The following KDM4C variants were observed in gnomAD, a reference collection of about 807,000 sequenced individuals.
KDM4C encodes the protein lysine-specific demethylase 4C.
A neutral mutation model predicts 129.3 loss-of-function variants in KDM4C; 81 were observed. The observed-to-expected ratio is 0.63, with a 90% CI of 0.52 to 0.75. The LOEUF (loss-of-function observed/expected upper bound fraction) is 0.75. Among genes scored for constraint, KDM4C ranks in the 30% least tolerant of loss-of-function variants. The pLI, the probability that KDM4C is intolerant of heterozygous loss-of-function variation, is 0.00. For synonymous variants in KDM4C, 573 were observed against 456.1 expected (o/e 1.26, Z -3.26); for missense variants, 1,457 against 1,304.0 (o/e 1.12, Z -1.81).
chr9:6,776,050 C>G (rs72699645), intron 1 of KDM4C, among the ~76,000 whole-genome samples: 1 of 152,096 alleles, frequency 6.6e-6, no homozygotes, highest in African/African-American at 2.4e-5. Flanking sequence ...TATTTTTGTG[C>G]GTTCCGTATA....
chr9:6,889,250 TGGGA>T (rs1845760404), intron 7 of KDM4C, among the ~76,000 whole-genome samples: 12 of 28,202 alleles, frequency 4.3e-4, no homozygotes, highest in African/African-American at 7.6e-4. Flanking sequence ...TGTGTGTGTG[TGGGA>T]GGGTGGGGGG....
chr9:6,878,361 G>C (rs1336455730), intron 5 of KDM4C, among the ~76,000 whole-genome samples: 1 of 152,154 alleles, frequency 6.6e-6, no homozygotes, highest in South Asian at 2.1e-4. Flanking sequence ...TTGAGACACT[G>C]TCTTCCATCT....
At chr9:6,958,702 TGGGAC>T (rs1829528650) in intron 8 of KDM4C, among the ~76,000 whole-genome samples, 1 of 150,808 alleles carries the variant, frequency 6.6e-6, no homozygotes. Flanking sequence ...TTTTTTTTTT[TGGGAC>T]AGGGTCTCAC....
chr9:6,879,341 A>G (rs937596211), intron 5 of KDM4C, among the ~76,000 whole-genome samples: 1 of 152,202 alleles, frequency 6.6e-6, no homozygotes, highest in Admixed American at 6.5e-5. Flanking sequence ...AAAAATAACT[A>G]TGGAACTAGA....
chr9:6,977,478 T>C (rs1418219721), intron 8 of KDM4C, among the ~76,000 whole-genome samples: 1 of 152,198 alleles, frequency 6.6e-6, no homozygotes, highest in Non-Finnish European at 1.5e-5. Context: ...CACATACATG[T>C]TGCCATGTAA....
At chr9:6,984,140 C>T (rs1311944378) in intron 9 of KDM4C, 26 bp from the exon 10 acceptor site, 1 of 1,498,476 alleles carries the variant, frequency 6.7e-7, no homozygotes, top group Admixed American at 1.7e-5. Context: ...ACATCCCGCT[C>T]TGACCACTGC....
At chr9:6,721,056 C>T in intron 1 of KDM4C, 1 of 1,396,700 alleles carries the variant, frequency 7.2e-7, no homozygotes, top group Non-Finnish European at 9.9e-7. Flanking sequence ...GGTTCTGTCA[C>T]ACTTAAAGCA....
At chr9:7,055,716 G>A (rs1378610663) in intron 17 of KDM4C, among the ~76,000 whole-genome samples, 1 of 152,200 alleles carries the variant, frequency 6.6e-6, no homozygotes, top group Non-Finnish European at 1.5e-5. Context: ...GAAGGCGCAT[G>A]TTCTCTTGCC....
chr9:6,891,218 A>G (rs1473305451), intron 7 of KDM4C, among the ~76,000 whole-genome samples: 1 of 152,184 alleles, frequency 6.6e-6, no homozygotes. Flanking sequence ...ACAATTATCC[A>G]TAGCACCATT....
intron 17 of KDM4C, among the ~76,000 whole-genome samples, chr9:7,068,930 C>A (rs958881242): frequency 7.2e-5 from 11 of 151,962 alleles, no homozygotes; most frequent in Non-Finnish European, 1.5e-4. Flanking sequence ...CTCCTGACCT[C>A]AGGTGATCCA....
At chr9:6,795,067 A>G (rs1827463537) in intron 2 of KDM4C, among the ~76,000 whole-genome samples, 1 of 152,184 alleles carries the variant, frequency 6.6e-6, no homozygotes, top group African/African-American at 2.4e-5. Context: ...ATCACTGCAT[A>G]AATCCCTGAG....
intron 12 of KDM4C, among the ~76,000 whole-genome samples, chr9:6,997,370 G>A (rs1055419009): frequency 5.9e-5 from 9 of 152,256 alleles, no homozygotes; most frequent in Non-Finnish European, 1.2e-4. Flanking sequence ...TTGAGAAAAA[G>A]AAAAAGTGGA....
intron 8 of KDM4C, among the ~76,000 whole-genome samples, chr9:6,929,218 A>G (rs1823202847): frequency 6.6e-6 from 1 of 152,196 alleles, no homozygotes; most frequent in South Asian, 2.1e-4. Context: ...GCTTATGTCT[A>G]ATATCTGTTA....
chr9:7,048,197 C>T (rs897682489), intron 16 of KDM4C, among the ~76,000 whole-genome samples: 1 of 151,930 alleles, frequency 6.6e-6, no homozygotes, highest in Non-Finnish European at 1.5e-5. Flanking sequence ...ACGTTCTCTT[C>T]CTATGCTTGG....
rs528060504 is a variant in KDM4C, at chr9:6,826,779, A to C, written c.435+12034A>C. On this transcript the variant is annotated intron_variant, in intron 4 of 21. Transcript: ENST00000381309. The stretch of plus-strand genomic sequence containing the variant: ...CTATTGGGGAAGCTGAGGCAGGAGA[A>C]TCGCTTGAACCTGGGAGGTAGAGGT... 1.8e-4 allele frequency among the ~76,000 whole-genome samples: 27 copies of C among 152,018 alleles called. No homozygotes were observed. The South Asian group carries it at 4.6e-3, about 26-fold the overall frequency.
At chr9:6,856,539 CGTGTGTGTGTGTGTGTGT>C (rs201267627) in intron 5 of KDM4C, among the ~76,000 whole-genome samples, 8 of 131,598 alleles carry the variant, frequency 6.1e-5, no homozygotes, top group Admixed American at 2.3e-4. Flanking sequence ...TCTCTGTGTG[CGTGTGTGTGTGTGTGTGT>C]GTGTGTGTGT....
At chr9:6,797,561 A>G (rs978183582) in intron 2 of KDM4C, among the ~76,000 whole-genome samples, 3 of 152,204 alleles carry the variant, frequency 2.0e-5, no homozygotes, top group African/African-American at 7.2e-5. Flanking sequence ...GTTTTTGTGG[A>G]AGGAGATTAT....
intron 21 of KDM4C, 64 bp downstream of exon 21, chr9:7,169,954 T>C: frequency 1.2e-6 from 2 of 1,609,314 alleles, no homozygotes; most frequent in Non-Finnish European, 1.7e-6. Context: ...ACCTCATGTT[T>C]CCCAAGCCCA....
At chr9:6,728,557 G>A (rs1817219435) in intron 1 of KDM4C, among the ~76,000 whole-genome samples, 1 of 151,136 alleles carries the variant, frequency 6.6e-6, no homozygotes, top group South Asian at 2.1e-4. Context: ...AAAAAACGAA[G>A]TATTCTTGGC....
Sources: allele counts gnomAD v4.1 joint callset (sites outside exome capture counted in the v4.1 genomes callset), GRCh38; gene constraint gnomAD v4.1.1; transcripts MANE v1.5; gene names NCBI Gene and HGNC (gene_info 2026-07-23, HGNC 2026-07-21).